The following S100Z variants were observed in gnomAD, a reference collection of about 807,000 sequenced individuals.
The protein encoded by S100Z is S100 calcium binding protein Z.
S100Z carries 11 observed loss-of-function variants against 8.5 expected under a neutral mutation model. The observed-to-expected ratio is 1.30, with a 90% CI of 0.82 to 2.15. The LOEUF (loss-of-function observed/expected upper bound fraction) is 2.15. S100Z is among the 30% of genes most tolerant of loss of function. The pLI is 0.00. For synonymous variants in S100Z, 34 were observed against 43.8 expected (o/e 0.78, Z 0.89); for missense variants, 126 against 117.9 (o/e 1.07, Z -0.32).
chr5:76,875,385 T>A lies in S100Z; in HGVS notation c.26T>A (p.Met9Lys). 6.2e-7 allele frequency: 1 copy of A among 1,612,952 alleles called. No homozygotes were observed. The highest frequency in any genetic ancestry group is 8.5e-7 in the Non-Finnish European group (1 of 1,179,462). The change falls in exon 3 of 5, where the codon ATG becomes AAG. Residue 9 changes from methionine to lysine, a missense_variant. Coordinates refer to ENST00000317593, the MANE Select transcript of S100Z (RefSeq NM_130772.4). ...ATGCCCACCCAGCTCGAGATGGCCA[T>A]GGACACCATGATTAGAATCTTCCAC... The part of the protein sequence containing the change: MPTQLEMA[M>K]DTMIRIFHRY...
At chr5:76,918,697 ATT>A (rs1744935735) in intron 4 of S100Z, among the ~76,000 whole-genome samples, 1 of 152,186 alleles carries the variant, frequency 6.6e-6, no homozygotes, top group Non-Finnish European at 1.5e-5. Flanking sequence ...ACACATCATT[ATT>A]ACCCAGTGTC....
intron 3 of S100Z, among the ~76,000 whole-genome samples, chr5:76,875,990 TAGAA>T (rs748846129): frequency 1.3e-5 from 2 of 152,168 alleles, no homozygotes; most frequent in Non-Finnish European, 2.9e-5. Context: ...TTGGGATTGA[TAGAA>T]GGATGTGTTT....
chr5:76,948,123 C>T, the S100Z span, among the ~76,000 whole-genome samples: 16 of 152,084 alleles, frequency 1.1e-4, no homozygotes, highest in African/African-American at 1.9e-4. Context: ...GTCAGAAGTT[C>T]GAAACCATCA....
intron 4 of S100Z, among the ~76,000 whole-genome samples, chr5:76,919,354 T>A (rs1384307048): frequency 6.6e-6 from 1 of 152,186 alleles, no homozygotes; most frequent in Non-Finnish European, 1.5e-5. Flanking sequence ...CAGCATTTGG[T>A]GTTATCAGTG....
chr5:76,913,404 T>C (rs1378340223), intron 4 of S100Z, among the ~76,000 whole-genome samples: 2 of 152,194 alleles, frequency 1.3e-5, no homozygotes, highest in African/African-American at 4.8e-5. Flanking sequence ...GTTAGGAAAA[T>C]TGCCTAATGA....
At chr5:76,911,863 G>C (rs1580061592) in intron 4 of S100Z, among the ~76,000 whole-genome samples, 1 of 152,136 alleles carries the variant, frequency 6.6e-6, no homozygotes, top group Non-Finnish European at 1.5e-5. Context: ...AACAGTTGCG[G>C]GGGTTCCTTG....
chr5:76,892,138 A>C (rs1272628023), intron 4 of S100Z, among the ~76,000 whole-genome samples: 1 of 152,208 alleles, frequency 6.6e-6, no homozygotes, highest in African/African-American at 2.4e-5. Flanking sequence ...AAGCACCCAG[A>C]ACACATGAAG....
intron 1 of S100Z, among the ~76,000 whole-genome samples, chr5:76,868,623 C>CTG (rs2150632218): frequency 8.1e-6 from 1 of 122,822 alleles, no homozygotes; most frequent in Non-Finnish European, 1.6e-5. Flanking sequence ...AATTCAAACT[C>CTG]TTTTTTTTTT....
chr5:76,863,588 G>C (rs892234504), intron 1 of S100Z, among the ~76,000 whole-genome samples: 12 of 151,874 alleles, frequency 7.9e-5, no homozygotes, highest in Non-Finnish European at 1.3e-4. Context: ...GCCCAGGCTG[G>C]AGTGCAGTGG....
At chr5:76,941,022 C>T in the S100Z span, among the ~76,000 whole-genome samples, 10 of 152,026 alleles carry the variant, frequency 6.6e-5, no homozygotes, top group African/African-American at 2.2e-4. Context: ...CTCTGGAGAA[C>T]CCTGACTAAT....
intron 2 of S100Z, among the ~76,000 whole-genome samples, chr5:76,872,433 A>G (rs1743044478): frequency 6.6e-6 from 1 of 152,168 alleles, no homozygotes; most frequent in South Asian, 2.1e-4. Context: ...AGGCCAAGGC[A>G]GGAGGATCAC....
the S100Z span, among the ~76,000 whole-genome samples, chr5:76,936,658 A>T: frequency 1.6e-5 from 1 of 61,918 alleles, no homozygotes; most frequent in Non-Finnish European, 4.8e-5. Context: ...CACACACACA[A>T]CCATGAAGGA....
At chr5:76,928,276 G>A in the S100Z span, among the ~76,000 whole-genome samples, 7 of 152,174 alleles carry the variant, frequency 4.6e-5, no homozygotes, top group African/African-American at 1.7e-4. Flanking sequence ...CAGAGGACCT[G>A]AACATATAAG....
intron 4 of S100Z, among the ~76,000 whole-genome samples, chr5:76,900,561 GA>G (rs1370237458): frequency 1.3e-5 from 2 of 151,992 alleles, no homozygotes; most frequent in Non-Finnish European, 2.9e-5. Context: ...TTTAGCTTCA[GA>G]ATTTCTGCTT....
downstream of S100Z, among the ~76,000 whole-genome samples, chr5:76,925,592 G>A (rs925487015): frequency 2.0e-5 from 3 of 151,666 alleles, no homozygotes; most frequent in Admixed American, 6.6e-5. Flanking sequence ...ACAGATTTTC[G>A]CTTGAGTAAC....
intron 4 of S100Z, among the ~76,000 whole-genome samples, chr5:76,913,975 G>A (rs866278276): frequency 3.9e-5 from 6 of 152,098 alleles, no homozygotes; most frequent in Middle Eastern, 6.8e-3. Context: ...CTCACCTTTG[G>A]GCCCTATATT....
intron 4 of S100Z, among the ~76,000 whole-genome samples, chr5:76,897,822 A>G (rs1375845068): frequency 2.0e-5 from 3 of 152,162 alleles, no homozygotes; most frequent in East Asian, 3.9e-4. Flanking sequence ...TGATTTTTGT[A>G]TGTTGATTTT....
chr5:76,946,563 T>C, the S100Z span, among the ~76,000 whole-genome samples: 4 of 152,192 alleles, frequency 2.6e-5, no homozygotes, highest in African/African-American at 9.6e-5. Flanking sequence ...TTTTTCTAAC[T>C]GTGGCTTTTA....
At chr5:76,928,482 AG>A in the S100Z span, among the ~76,000 whole-genome samples, 1 of 152,196 alleles carries the variant, frequency 6.6e-6, no homozygotes, top group Non-Finnish European at 1.5e-5. Flanking sequence ...GCTTGTATGG[AG>A]CAGGGGTGAG....
Sources: gnomAD v4.1 joint callset for allele counts (sites outside exome capture counted in the v4.1 genomes callset) on GRCh38, gnomAD v4.1.1 for gene constraint, MANE v1.5 for transcripts, NCBI Gene and HGNC (gene_info 2026-07-23, HGNC 2026-07-21) for gene names.